Variants in HYCC2 observed in about 807,000 individuals in gnomAD.
HYCC2 encodes the protein hyccin PI4KA lipid kinase complex subunit 2, also known as hyccin 2.
chr2:201,011,329 C>T, the HYCC2 span: 22,941 of 957,470 alleles, frequency 0.024, 788 homozygotes, highest in African/African-American at 0.14. Flanking sequence ...TGATAAGAAA[C>T]TGACTTTTTG....
chr2:200,983,154 A>G, the HYCC2 span, among the ~76,000 whole-genome samples: 7,879 of 152,274 alleles, frequency 0.052, 466 homozygotes, highest in African/African-American at 0.14. Context: ...CTCTTACTGA[A>G]AGTATGATGA....
the HYCC2 span, among the ~76,000 whole-genome samples, chr2:201,057,273 T>G: frequency 6.6e-6 from 1 of 152,234 alleles, no homozygotes; most frequent in East Asian, 1.9e-4. Flanking sequence ...ACTATATTTG[T>G]CTATCCTCTT....
chr2:201,003,947 A>G, the HYCC2 span, among the ~76,000 whole-genome samples: 1 of 150,210 alleles, frequency 6.7e-6, no homozygotes, highest in African/African-American at 2.4e-5. Flanking sequence ...CCGAGTAGCT[A>G]GGATTACAGG....
At chr2:201,042,412 C>T in the HYCC2 span, among the ~76,000 whole-genome samples, 14 of 151,422 alleles carry the variant, frequency 9.2e-5, no homozygotes, top group African/African-American at 2.4e-4. Flanking sequence ...TCTGCCCGGC[C>T]GCCCATCATC....
the HYCC2 span, chr2:201,023,012 C>T: frequency 1.1e-6 from 1 of 936,786 alleles, no homozygotes; most frequent in South Asian, 1.5e-5. Flanking sequence ...AGTTCTTGAA[C>T]AGATTTATAA....
At chr2:201,049,855 T>C in the HYCC2 span, among the ~76,000 whole-genome samples, 2 of 152,078 alleles carry the variant, frequency 1.3e-5, no homozygotes, top group Admixed American at 6.5e-5. Flanking sequence ...TTACATTTCT[T>C]TTTTATTTTT....
the HYCC2 span, among the ~76,000 whole-genome samples, chr2:201,034,751 T>A: frequency 6.6e-6 from 1 of 152,240 alleles, no homozygotes; most frequent in Non-Finnish European, 1.5e-5. Context: ...GTACCGGTTG[T>A]TCCTTTCCAT....
chr2:201,069,639 G>C, the HYCC2 span, among the ~76,000 whole-genome samples: 4 of 151,080 alleles, frequency 2.6e-5, no homozygotes, highest in Non-Finnish European at 2.9e-5. Context: ...AGATTTAACT[G>C]GTACTCAAAA....
At chr2:201,018,354 T>A in the HYCC2 span, among the ~76,000 whole-genome samples, 1 of 151,258 alleles carries the variant, frequency 6.6e-6, no homozygotes, top group Non-Finnish European at 1.5e-5. Flanking sequence ...ACTAACTCTT[T>A]AAAAAAAAAG....
the HYCC2 span, among the ~76,000 whole-genome samples, chr2:201,008,713 A>C: frequency 6.6e-6 from 1 of 152,116 alleles, no homozygotes; most frequent in Non-Finnish European, 1.5e-5. Flanking sequence ...TGGACAACAT[A>C]GCAAGACCTT....
chr2:200,979,155 T>C, the HYCC2 span: 1 of 152,130 alleles, frequency 6.6e-6, no homozygotes, highest in African/African-American at 2.4e-5. Context: ...AGCTCATTTA[T>C]TTTGGCTATT....
chr2:201,036,614 C>G, the HYCC2 span, among the ~76,000 whole-genome samples: 1 of 152,150 alleles, frequency 6.6e-6, no homozygotes, highest in African/African-American at 2.4e-5. Flanking sequence ...TAAAAGTAAT[C>G]CAGCATATAA....
chr2:201,057,074 C>T, the HYCC2 span, among the ~76,000 whole-genome samples: 1 of 152,214 alleles, frequency 6.6e-6, no homozygotes, highest in Non-Finnish European at 1.5e-5. Flanking sequence ...GATGATTGCT[C>T]TTCTTTTGAG....
chr2:200,999,279 A>T, the HYCC2 span, among the ~76,000 whole-genome samples: 12 of 152,116 alleles, frequency 7.9e-5, no homozygotes, highest in Non-Finnish European at 7.4e-5. Context: ...GCAAAACTTT[A>T]AAAAAAATTT....
At chr2:200,992,008 T>G in the HYCC2 span, among the ~76,000 whole-genome samples, 1,130 of 152,316 alleles carry the variant, frequency 7.4e-3, 18 homozygotes, top group African/African-American at 0.026. Context: ...CTTAGAAATC[T>G]TCCCTTCTCT....
chr2:201,067,781 T>C, the HYCC2 span, among the ~76,000 whole-genome samples: 2 of 152,238 alleles, frequency 1.3e-5, no homozygotes, highest in African/African-American at 4.8e-5. Context: ...ATTTTCCAAT[T>C]TTAGTTTAAT....
At chr2:201,033,508 A>T in the HYCC2 span, among the ~76,000 whole-genome samples, 1 of 151,530 alleles carries the variant, frequency 6.6e-6, no homozygotes, top group Non-Finnish European at 1.5e-5. Flanking sequence ...GGTTCACGCC[A>T]TTCTCCTGCC....
At chr2:201,069,447 C>G in the HYCC2 span, among the ~76,000 whole-genome samples, 3 of 151,952 alleles carry the variant, frequency 2.0e-5, no homozygotes, top group South Asian at 4.1e-4. Flanking sequence ...CTACTCGATA[C>G]TCAACTTACT....
At chr2:200,987,160 G>A in the HYCC2 span, among the ~76,000 whole-genome samples, 1 of 152,174 alleles carries the variant, frequency 6.6e-6, no homozygotes, top group Non-Finnish European at 1.5e-5. Context: ...CAGACTCCAG[G>A]CCAGCACAAA....
Sources: allele counts gnomAD v4.1 joint callset (sites outside exome capture counted in the v4.1 genomes callset), GRCh38; gene constraint gnomAD v4.1.1; transcripts MANE v1.5; gene names NCBI Gene and HGNC (gene_info 2026-07-23, HGNC 2026-07-21).